The following TANC1 variants were observed in gnomAD, a reference collection of about 807,000 sequenced individuals.
The protein encoded by TANC1 is tetratricopeptide repeat, ankyrin repeat and coiled-coil containing 1, also known as protein TANC1.
TANC1 carries 77 observed loss-of-function variants against 149.7 expected under a neutral mutation model. The observed-to-expected ratio is 0.51, with a 90% CI of 0.43 to 0.62. The LOEUF (loss-of-function observed/expected upper bound fraction) is 0.62. Among genes scored for constraint, TANC1 ranks in the 20% least tolerant of loss-of-function variants. TANC1 has a pLI of 0.00. For missense variants in TANC1, 1,985 were observed against 2,321.8 expected (o/e 0.85, Z 2.98); for synonymous variants, 854 against 925.0 (o/e 0.92, Z 1.39).
chr2:158,992,660 GC>G (rs1477220186), intron 1 of TANC1, among the ~76,000 whole-genome samples: 2 of 144,016 alleles, frequency 1.4e-5, no homozygotes, highest in East Asian at 4.1e-4. Flanking sequence ...CCACCACCAT[GC>G]CCAGCTAATT....
In TANC1 at chr2:158,977,901, T is replaced by G. The variant is rs2033881176; in HGVS notation, c.-126+9119T>G. Among the ~76,000 whole-genome samples the G allele has an allele frequency of 2.0e-5, 3 of 152,228 alleles. No individual in the cohort carries two copies. In the South Asian group the frequency reaches 6.2e-4, roughly 32 times the overall value. On this transcript the variant is annotated intron_variant, in intron 1 of 26. Coordinates refer to ENST00000263635, the MANE Select transcript of TANC1 (RefSeq NM_033394.3). ...CTTTGTTTCAATTTTGCCTCTTCCC[T>G]CACCCTACCACCACCACTGAAATTT...
intron 7 of TANC1, among the ~76,000 whole-genome samples, chr2:159,163,023 T>TA (rs2054201794): frequency 6.6e-6 from 1 of 152,278 alleles, no homozygotes; most frequent in South Asian, 2.1e-4. Context: ...TGATACTTTT[T>TA]AGACAATTTT....
rs1353550517 is a variant in TANC1 at position 159,103,785 on chromosome 2, A to G, written c.259+5951A>G. On this transcript the variant is annotated intron_variant, in intron 4 of 26. Coordinates refer to ENST00000263635, the MANE Select transcript of TANC1 (RefSeq NM_033394.3). ...AGGGAACTTGTCCAAAATTCATACA[A>G]GTTATTGGTAGACCCTGATCCTCCA... Among the ~76,000 whole-genome samples, 4 of 96,364 alleles carry G rather than the reference A, an allele frequency of 4.2e-5. 2 individuals are homozygous for G. Among genetic ancestry groups the G allele is most frequent in the African/African-American group, 1.2e-4 (4 of 34,686 alleles). The allele number at this position is 96,364 out of a possible 152,430, so 63.2% of individuals were successfully genotyped here.
chr2:159,049,787 G>A (rs1262970902), intron 2 of TANC1, among the ~76,000 whole-genome samples: 2 of 152,210 alleles, frequency 1.3e-5, no homozygotes, highest in Non-Finnish European at 2.9e-5. Flanking sequence ...CAGGAACCTG[G>A]ACCCAGACTA....
At chr2:159,105,992 G>A (rs1351433705) in intron 4 of TANC1, among the ~76,000 whole-genome samples, 1 of 151,444 alleles carries the variant, frequency 6.6e-6, no homozygotes, top group Non-Finnish European at 1.5e-5. Context: ...ACTGTTTCTG[G>A]TTCGTTTTCC....
chr2:159,078,514 G>C (rs1205580387), intron 3 of TANC1, among the ~76,000 whole-genome samples: 1 of 152,150 alleles, frequency 6.6e-6, no homozygotes, highest in Non-Finnish European at 1.5e-5. Context: ...AAACTAAGAG[G>C]TTACAAAGCA....
chr2:159,154,624 G>A (rs1219695890), intron 7 of TANC1, among the ~76,000 whole-genome samples: 1 of 152,042 alleles, frequency 6.6e-6, no homozygotes. Flanking sequence ...TCTTTCAGGA[G>A]GTCCAAGTTC....
intron 1 of TANC1, among the ~76,000 whole-genome samples, chr2:158,971,475 A>T (rs991513669): frequency 6.6e-6 from 1 of 152,168 alleles, no homozygotes; most frequent in Admixed American, 6.5e-5. Context: ...AAGAGTGTTT[A>T]TATATTTGTG....
At chr2:159,094,125 T>A (rs796786728) in intron 3 of TANC1, among the ~76,000 whole-genome samples, 22 of 152,338 alleles carry the variant, frequency 1.4e-4, no homozygotes, top group African/African-American at 5.3e-4. Context: ...TATTTGTTTT[T>A]GTATAGGTCA....
chr2:158,975,249 G>T (rs1243724288), intron 1 of TANC1, among the ~76,000 whole-genome samples: 2 of 151,846 alleles, frequency 1.3e-5, no homozygotes, highest in South Asian at 4.2e-4. Flanking sequence ...TCTAACCTAG[G>T]TTTGTTGAAT....
At chr2:159,138,520 C>T (rs2150222852) in intron 5 of TANC1, among the ~76,000 whole-genome samples, 1 of 152,286 alleles carries the variant, frequency 6.6e-6, no homozygotes, top group South Asian at 2.1e-4. Context: ...GATCACTGAA[C>T]CCAAAGGAAA....
At chr2:159,158,381 G>C (rs1452742546) in intron 7 of TANC1, among the ~76,000 whole-genome samples, 1 of 152,126 alleles carries the variant, frequency 6.6e-6, no homozygotes, top group East Asian at 1.9e-4. Context: ...AAACCATGTA[G>C]AGCCCCATTC....
In TANC1 at chr2:159,179,131, C is replaced by T. The variant is rs1452544557; in HGVS notation, c.2478C>T (p.Asp826=). Residue 826 remains aspartate, a synonymous_variant, in exon 14 of 27, where the codon GAC becomes GAT. Coordinates refer to ENST00000263635, the MANE Select transcript of TANC1 (RefSeq NM_033394.3). The part of the protein sequence containing the change: ...SFREWLVWRA[D]GENTAFLCEP... ...GGGAGTGGCTTGTATGGAGAGCAGACGGGGAAAACACGGCCTTCCTGTGTG... is the reference window on the plus strand; with the variant it reads ...GGGAGTGGCTTGTATGGAGAGCAGATGGGGAAAACACGGCCTTCCTGTGTG... 45 of 1,612,634 alleles carry T rather than the reference C, an allele frequency of 2.8e-5. No individual in the cohort carries two copies. Among genetic ancestry groups the T allele is most frequent in the Non-Finnish European group, 3.4e-5 (40 of 1,179,642 alleles).
intron 8 of TANC1, among the ~76,000 whole-genome samples, chr2:159,169,048 A>G (rs2054901967): frequency 6.6e-6 from 1 of 152,218 alleles, no homozygotes; most frequent in Admixed American, 6.5e-5. Context: ...ACTTTAAGAA[A>G]AAGAAGCATT....
chr2:159,074,385 A>G (rs964927538), intron 3 of TANC1, among the ~76,000 whole-genome samples: 1 of 152,076 alleles, frequency 6.6e-6, no homozygotes, highest in Non-Finnish European at 1.5e-5. Context: ...CTCTGATGTG[A>G]GACATGCATG....
At chr2:159,044,977 C>T (rs1004544384) in intron 2 of TANC1, among the ~76,000 whole-genome samples, 4 of 152,212 alleles carry the variant, frequency 2.6e-5, no homozygotes, top group Admixed American at 6.5e-5. Context: ...TGCCAAAAGG[C>T]GGAGCTTCTC....
intron 2 of TANC1, among the ~76,000 whole-genome samples, chr2:159,005,744 G>A (rs191544574): frequency 1.3e-5 from 2 of 151,986 alleles, no homozygotes; most frequent in African/African-American, 4.8e-5. Context: ...CCATGTAAGT[G>A]CTATACATGT....
intron 4 of TANC1, among the ~76,000 whole-genome samples, chr2:159,130,944 C>A (rs2050011351): frequency 6.6e-6 from 1 of 152,112 alleles, no homozygotes; most frequent in African/African-American, 2.4e-5. Context: ...ATATAAGGTG[C>A]TAAAAGCTGA....
In TANC1 at chr2:159,179,129, G is replaced by GAA. The variant is rs2056181260; in HGVS notation, c.2477_2478insAA (p.Asp826GlufsTer30). On this transcript the variant is annotated frameshift_variant, in exon 14 of 27. Transcript: ENST00000263635. LOFTEE classifies it high-confidence loss of function. ...CAGGGAGTGGCTTGTATGGAGAGCA[G>GAA]ACGGGGAAAACACGGCCTTCCTGTG... The GAA allele has an allele frequency of 6.2e-7, 1 of 1,613,060 alleles. No homozygotes were observed. The highest frequency in any genetic ancestry group is 1.7e-5 in the Admixed American group (1 of 59,902).
Sources: allele counts gnomAD v4.1 joint callset (sites outside exome capture counted in the v4.1 genomes callset), GRCh38; gene constraint gnomAD v4.1.1; transcripts MANE v1.5; gene names NCBI Gene and HGNC (gene_info 2026-07-23, HGNC 2026-07-21).